The following ATP1B1 variants were observed in gnomAD, a reference collection of about 807,000 sequenced individuals.
ATP1B1 encodes sodium/potassium-transporting ATPase subunit beta-1.
Under a neutral mutation model 39.6 loss-of-function variants are expected in ATP1B1, and 3 were observed. The observed-to-expected ratio is 0.08, with a 90% confidence interval of 0.03 to 0.20. The LOEUF (loss-of-function observed/expected upper bound fraction) is 0.20. Among genes scored for constraint, ATP1B1 ranks in the 10% least tolerant of loss-of-function variants. The pLI is 1.00. For synonymous variants in ATP1B1, 139 were observed against 135.0 expected, an observed-to-expected ratio of 1.03 and a Z score of -0.20; for missense variants, 216 against 371.1, an observed-to-expected ratio of 0.58 and a Z score of 3.43.
chr1:169,124,304 A>G (rs940773130), intron 2 of ATP1B1, among the ~76,000 whole-genome samples: 1 of 152,188 alleles, frequency 6.6e-6, no homozygotes, highest in Admixed American at 6.5e-5. Flanking sequence ...TATGTCCCAA[A>G]TTCTTCCCGT....
In ATP1B1 at chr1:169,110,461, T is replaced by C. The variant is rs12028989; in HGVS notation, c.98-909T>C. 134 of 170,830 alleles carry C rather than the reference T, an allele frequency of 7.8e-4. 3 individuals are homozygous for C. In the East Asian group the frequency reaches 0.024, roughly 31 times the overall value. 10.6% of individuals were successfully genotyped at this position (170,830 alleles called of 1,614,324 possible). ...TTGAGTCGTTTGGCTGGCACAGGAC[T>C]GCCAGGCAATGCCTAGTACAGCCTG... On this transcript the variant is annotated intron_variant, in intron 1 of 5. Coordinates refer to ENST00000367815, the MANE Select transcript of ATP1B1 (RefSeq NM_001677.4).
rs139587518 is a variant in ATP1B1 at position 169,127,314 on chromosome 1, A to G, written c.473A>G (p.Asn158Ser). The stretch of plus-strand genomic sequence containing the variant: ...AGATTCAAGCTTGAATGGCTGGGAA[A>G]TTGCTCTGGATTAAATGATGAAACT... ...VCRFKLEWLG[N>S]CSGLNDETYG... The change falls in exon 4 of 6, where the codon AAT becomes AGT. Residue 158 changes from asparagine to serine, a missense_variant. Coordinates refer to ENST00000367815, the MANE Select transcript of ATP1B1 (RefSeq NM_001677.4). 4 of 1,611,652 alleles carry G rather than the reference A, an allele frequency of 2.5e-6. No individual in the cohort carries two copies. Among genetic ancestry groups the G allele is most frequent in the Non-Finnish European group, 3.4e-6 (4 of 1,179,214 alleles).
intron 1 of ATP1B1, among the ~76,000 whole-genome samples, chr1:169,109,398 G>T (rs1297142994): frequency 6.6e-6 from 1 of 152,016 alleles, no homozygotes; most frequent in Admixed American, 6.6e-5. Context: ...GGGAGCCCCT[G>T]GTGGCCTGTG....
At chr1:169,108,705 A>T (rs1240190153) in intron 1 of ATP1B1, among the ~76,000 whole-genome samples, 1 of 152,166 alleles carries the variant, frequency 6.6e-6, no homozygotes, top group Non-Finnish European at 1.5e-5. Context: ...CATGAGAGAG[A>T]GAAAGAGAGA....
rs1199629743 is a variant in ATP1B1 at position 169,131,622 on chromosome 1, A to C, written c.*67A>C. 6.5e-7 allele frequency: 1 copy of C among 1,530,778 alleles called. No homozygotes were observed. Among genetic ancestry groups the C allele is most frequent in the African/African-American group, 1.4e-5 (1 of 72,042 alleles). 94.8% of individuals were successfully genotyped at this position (1,530,778 alleles called of 1,614,324 possible). On this transcript the variant is annotated 3_prime_UTR_variant, in exon 6 of 6. Coordinates refer to ENST00000367815, the MANE Select transcript of ATP1B1 (RefSeq NM_001677.4). The surrounding 1 kb of genome is among the most constrained non-coding windows in gnomAD (Gnocchi z 4.4). ...AAAAAAGATACAAAAACAAAAACCT[A>C]CTAGTCTTGAACAAACTGTCATACG...
At chr1:169,107,571 T>C (rs370753436) in intron 1 of ATP1B1, among the ~76,000 whole-genome samples, 63 of 152,112 alleles carry the variant, frequency 4.1e-4, no homozygotes, top group African/African-American at 1.3e-3. Context: ...CCTGGCAAAG[T>C]CTGGTTGTTT....
chr1:169,126,555 TA>T (rs888139203), intron 3 of ATP1B1, among the ~76,000 whole-genome samples: 3 of 151,204 alleles, frequency 2.0e-5, no homozygotes, highest in African/African-American at 7.3e-5. Context: ...TCTGCAAAAT[TA>T]AAAAAAACTA....
At chr1:169,128,197 G>C (rs1252594413) in intron 4 of ATP1B1, among the ~76,000 whole-genome samples, 3 of 152,056 alleles carry the variant, frequency 2.0e-5, no homozygotes, top group Non-Finnish European at 4.4e-5. Context: ...CTTCTGGCAG[G>C]TTTCCCCCTA....
chr1:169,125,124 C>T lies in ATP1B1; in HGVS notation c.382+85C>T, dbSNP rs969423073. ...CCACTTCTATTTTTTGTTTAATGATCGAGAGATAATCCTGAAATAATGAAA... is the reference window on the plus strand; with the variant it reads ...CCACTTCTATTTTTTGTTTAATGATTGAGAGATAATCCTGAAATAATGAAA... On this transcript the variant is annotated intron_variant, in intron 3 of 5. Coordinates refer to ENST00000367815, the MANE Select transcript of ATP1B1 (RefSeq NM_001677.4). 60 of 1,431,180 alleles carry T rather than the reference C, an allele frequency of 4.2e-5. 1 individual carries two copies. Among genetic ancestry groups the T allele is most frequent in the Non-Finnish European group, 5.1e-5 (55 of 1,070,488 alleles). The allele number at this position is 1,431,180 out of a possible 1,614,324, so 88.7% of individuals were successfully genotyped here.
At chr1:169,109,591 C>G (rs1186642528) in intron 1 of ATP1B1, among the ~76,000 whole-genome samples, 1 of 152,166 alleles carries the variant, frequency 6.6e-6, no homozygotes, top group Non-Finnish European at 1.5e-5. Flanking sequence ...TGAGCTTAAT[C>G]GGCGTACTTG....
intron 5 of ATP1B1, among the ~76,000 whole-genome samples, chr1:169,130,779 CAAAAAAAAAAAAAAAAAAA>C (rs57542049): frequency 1.4e-5 from 1 of 73,994 alleles, no homozygotes; most frequent in Non-Finnish European, 2.4e-5. Flanking sequence ...AAGACTATCT[CAAAAAAAAAAAAAAAAAAA>C]AAAAAAAAAT....
chr1:169,108,970 C>T (rs893099116), intron 1 of ATP1B1, among the ~76,000 whole-genome samples: 1 of 152,216 alleles, frequency 6.6e-6, no homozygotes, highest in Admixed American at 6.5e-5. Context: ...AGAAAATGCC[C>T]CTTTTCCAGC....
At chr1:169,111,221 T>G in intron 1 of ATP1B1, 149 bp from the exon 2 acceptor site, 1 of 1,025,890 alleles carries the variant, frequency 9.7e-7, no homozygotes, top group Non-Finnish European at 1.4e-6. Flanking sequence ...CCTGTGTCAG[T>G]GGGGTGAGGT....
chr1:169,132,547 C>G lies in ATP1B1; in HGVS notation c.*992C>G. Reference sequence around the variant, plus strand: ...CAAAGTCACTTGTTTGAAAATAAATCTTTATTTTGAACTTTATAAAAAGCA... The same window carrying G: ...CAAAGTCACTTGTTTGAAAATAAATGTTTATTTTGAACTTTATAAAAAGCA... On this transcript the variant is annotated 3_prime_UTR_variant, in exon 6 of 6. Transcript: ENST00000367815. 2.3e-6 allele frequency: 1 copy of G among 430,518 alleles called. No homozygotes were observed. The highest frequency in any genetic ancestry group is 7.8e-5 in the South Asian group (1 of 12,794). The allele number at this position is 430,518 out of a possible 1,614,324, so 26.7% of individuals were successfully genotyped here.
intron 2 of ATP1B1, among the ~76,000 whole-genome samples, chr1:169,120,302 G>GT (rs992483126): frequency 2.6e-4 from 39 of 152,174 alleles, no homozygotes; most frequent in African/African-American, 8.9e-4. Context: ...CAGACCATCT[G>GT]TTTTTTTACT....
chr1:169,124,352 A>T (rs373879130), intron 2 of ATP1B1, among the ~76,000 whole-genome samples: 4 of 152,362 alleles, frequency 2.6e-5, no homozygotes, highest in African/African-American at 9.6e-5. Flanking sequence ...TTGGTTAGGT[A>T]GGCTTGAGTC....
intron 1 of ATP1B1, among the ~76,000 whole-genome samples, chr1:169,111,094 A>T (rs995410306): frequency 6.6e-6 from 1 of 152,016 alleles, no homozygotes. Flanking sequence ...TACTTTTTTT[A>T]AAATTTAGGG....
chr1:169,111,472 C>T lies in ATP1B1; in HGVS notation c.200C>T (p.Thr67Ile). ...CTCACCATCAGTGAATTTAAGCCCACATATCAGGACCGAGTGGCCCCGCCA... is the reference window on the plus strand; with the variant it reads ...CTCACCATCAGTGAATTTAAGCCCATATATCAGGACCGAGTGGCCCCGCCA... ...MLLTISEFKP[T>I]YQDRVAPPGL... Residue 67 changes from threonine (T) to isoleucine (I), a missense_variant, in exon 2 of 6, where the codon ACA (threonine) becomes ATA (isoleucine). Thr to Ile is a moderately conservative substitution (Grantham distance 89). Coordinates refer to ENST00000367815, the MANE Select transcript of ATP1B1 (RefSeq NM_001677.4). The T allele has an allele frequency of 6.2e-7, 1 of 1,614,184 alleles. No homozygotes were observed. The highest frequency in any genetic ancestry group is 2.2e-5 in the East Asian group (1 of 44,890).
Position 169,111,467 on chromosome 1 carries a change from G to A in ATP1B1, c.195G>A (p.Lys65=), listed in dbSNP as rs1434027131. Reference sequence around the variant, plus strand: ...TGCTGCTCACCATCAGTGAATTTAAGCCCACATATCAGGACCGAGTGGCCC... The same window carrying A: ...TGCTGCTCACCATCAGTGAATTTAAACCCACATATCAGGACCGAGTGGCCC... ...QVMLLTISEF[K]PTYQDRVAPP... Residue 65 remains lysine (K), a synonymous_variant, in exon 2 of 6, where the codon AAG becomes AAA. Transcript: ENST00000367815. The A allele has an allele frequency of 6.2e-7, 1 of 1,614,182 alleles. No homozygotes were observed. Among genetic ancestry groups the A allele is most frequent in the Non-Finnish European group, 8.5e-7 (1 of 1,180,028 alleles).
Sources: gnomAD v4.1 joint callset for allele counts (sites outside exome capture counted in the v4.1 genomes callset) on GRCh38, gnomAD v4.1.1 for gene constraint, Gnocchi (gnomAD v3.1) non-coding constraint, MANE v1.5 for transcripts, NCBI Gene and HGNC (gene_info 2026-07-23, HGNC 2026-07-21) for gene names.